The following DOCK4 variants were observed in gnomAD, a reference collection of about 807,000 sequenced individuals.
DOCK4 encodes dedicator of cytokinesis 4.
In DOCK4, 97 loss-of-function variants were observed where a neutral mutation model predicts 268.1. The ratio of observed to expected loss-of-function variants is 0.36; its 90% confidence interval spans 0.31 to 0.43. DOCK4 has a LOEUF of 0.43. Among genes scored for constraint, DOCK4 ranks in the 20% least tolerant of loss-of-function variants. The probability of loss-of-function intolerance (pLI) is 1.00; values close to 1 mark genes in which losing one functional copy is unlikely to be tolerated. For missense variants in DOCK4, 2,145 were observed against 2,455.7 expected (o/e 0.87, Z 2.67); for synonymous variants, 954 against 887.2 (o/e 1.08, Z -1.34).
chr7:111,728,381 G>C lies in DOCK4; in HGVS notation c.5821C>G (p.Pro1941Ala), dbSNP rs746730808. 1.9e-6 allele frequency: 3 copies of C among 1,543,570 alleles called. No individual in the cohort carries two copies. In the Admixed American group the frequency reaches 5.8e-5, roughly 30 times the overall value. The change falls in exon 53 of 53, where the codon CCC becomes GCC. Residue 1941 changes from proline to alanine, a missense_variant. Around this residue, in one of 2 missense-constraint regions of DOCK4, gnomAD observed 547 missense variants for 469.0 expected, o/e 1.17. Transcript: ENST00000428084. ...GATCGCGCTGCCAGAGGCTTGGGGGGCAGCGCGGGCGGCTCCGACGTGACG... is the reference window on the plus strand; with the variant it reads ...GATCGCGCTGCCAGAGGCTTGGGGGCCAGCGCGGGCGGCTCCGACGTGACG... ...IPVTSEPPAL[P>A]PKPLAARSSH...
At chr7:111,840,774 T>C (rs758571684) in intron 25 of DOCK4, 6 of 1,309,696 alleles carry the variant, frequency 4.6e-6, no homozygotes, top group East Asian at 9.9e-5. Context: ...GTGTGTCTAC[T>C]TGTCATGGGC....
chr7:111,861,321 T>C (rs986222944), intron 23 of DOCK4, among the ~76,000 whole-genome samples: 3 of 151,786 alleles, frequency 2.0e-5, no homozygotes, highest in African/African-American at 4.8e-5. Context: ...GAAAAAAAAA[T>C]AAGAAATATC....
At chr7:111,809,213 A>G in intron 29 of DOCK4, 88 bp downstream of exon 29, 1 of 1,083,222 alleles carries the variant, frequency 9.2e-7, no homozygotes, top group Non-Finnish European at 1.4e-6. Flanking sequence ...TGTGATTTCC[A>G]GTTATGCGCA....
chr7:111,749,604 C>A (rs1024372564), intron 42 of DOCK4, among the ~76,000 whole-genome samples: 3 of 150,854 alleles, frequency 2.0e-5, no homozygotes, highest in Non-Finnish European at 4.4e-5. Context: ...TAAACACAGG[C>A]AAAATACAAA....
rs776765151 is a variant in DOCK4 at position 111,895,645 on chromosome 7, A to G, written c.1554T>C (p.Leu518=). 6.2e-7 allele frequency: 1 copy of G among 1,613,944 alleles called. No individual in the cohort carries two copies. Among genetic ancestry groups the G allele is most frequent in the East Asian group, 2.2e-5 (1 of 44,864 alleles). Residue 518 remains leucine (L), a synonymous_variant, in exon 16 of 53, where the codon CTT becomes CTC. Coordinates refer to ENST00000428084, the MANE Select transcript of DOCK4 (RefSeq NM_001363540.2). ...CGATGAGCTCATGAGTGCCATCTGG[A>G]AGAGTCCTACCATCTTCTTGCATCA... ...VPLMQEDGRT[L]PDGTHELIVH...
intron 1 of DOCK4, among the ~76,000 whole-genome samples, chr7:112,191,238 C>G (rs1819926153): frequency 1.3e-5 from 2 of 152,190 alleles, no homozygotes; most frequent in South Asian, 4.1e-4. Flanking sequence ...CAAGTGTGAG[C>G]CATCACGCCA....
At chr7:112,124,823 T>C (rs536920795) in intron 1 of DOCK4, among the ~76,000 whole-genome samples, 40 of 152,356 alleles carry the variant, frequency 2.6e-4, no homozygotes, top group African/African-American at 9.4e-4. Context: ...CTGATACATT[T>C]CATATATAAT....
chr7:111,769,693 G>A lies in DOCK4; in HGVS notation c.3680-16C>T. 1.2e-6 allele frequency: 2 copies of A among 1,610,808 alleles called. No individual in the cohort carries two copies. The highest frequency in any genetic ancestry group is 1.7e-6 in the Non-Finnish European group (2 of 1,177,982). On this transcript the variant is annotated splice_polypyrimidine_tract_variant and intron_variant, in intron 36 of 52. Transcript: ENST00000428084. ...TATGCAGCTTCTGCAAGTCACGTGA[G>A]AAGACAATGATTGAGACAGGACCCC...
At chr7:112,065,949 T>C (rs1806887575) in intron 1 of DOCK4, among the ~76,000 whole-genome samples, 1 of 152,162 alleles carries the variant, frequency 6.6e-6, no homozygotes, top group Non-Finnish European at 1.5e-5. Context: ...TACCACATGA[T>C]ATCACATCAA....
chr7:111,950,462 G>T (rs1270798806), intron 8 of DOCK4, among the ~76,000 whole-genome samples: 1 of 152,198 alleles, frequency 6.6e-6, no homozygotes, highest in African/African-American at 2.4e-5. Flanking sequence ...TGGAAGAGAA[G>T]TTTATATGTT....
intron 1 of DOCK4, among the ~76,000 whole-genome samples, chr7:112,184,419 C>A (rs76010098): frequency 0.01 from 1,547 of 152,336 alleles, 30 homozygotes; most frequent in African/African-American, 0.035. Flanking sequence ...GAGCTGTAGT[C>A]TCCACCCCGG....
intron 52 of DOCK4, among the ~76,000 whole-genome samples, chr7:111,730,784 T>C (rs189910805): frequency 9.0e-4 from 137 of 152,300 alleles, no homozygotes; most frequent in Non-Finnish European, 1.0e-4. Flanking sequence ...AAACCCTACA[T>C]ATAAAGACAT....
At chr7:112,076,486 T>A (rs1424766627) in intron 1 of DOCK4, among the ~76,000 whole-genome samples, 4 of 152,100 alleles carry the variant, frequency 2.6e-5, no homozygotes, top group Admixed American at 6.6e-5. Context: ...AATTATTTCA[T>A]GATCAAAGAC....
chr7:112,197,970 GAAAAAA>G (rs10525534), intron 1 of DOCK4, among the ~76,000 whole-genome samples: 7 of 111,092 alleles, frequency 6.3e-5, no homozygotes, highest in African/African-American at 2.2e-4. Flanking sequence ...GACCTGCCTA[GAAAAAA>G]AAAAAAAAAA....
chr7:111,783,226 TAGA>T (rs1366866925), intron 34 of DOCK4, among the ~76,000 whole-genome samples: 1 of 152,124 alleles, frequency 6.6e-6, no homozygotes, highest in Admixed American at 6.6e-5. Flanking sequence ...CTCAGGAAGT[TAGA>T]GGAGTGAAAA....
intron 1 of DOCK4, among the ~76,000 whole-genome samples, chr7:112,189,175 G>A (rs1819708079): frequency 6.6e-6 from 1 of 152,174 alleles, no homozygotes; most frequent in African/African-American, 2.4e-5. Context: ...TGGTTATGCT[G>A]TGGAGTGAAA....
intron 13 of DOCK4, among the ~76,000 whole-genome samples, chr7:111,912,712 G>C (rs1792216290): frequency 6.6e-6 from 1 of 152,034 alleles, no homozygotes; most frequent in African/African-American, 2.4e-5. Context: ...AAGAGGTCCA[G>C]ACACACACAA....
At chr7:111,991,215 A>G (rs1036242132) in intron 5 of DOCK4, among the ~76,000 whole-genome samples, 1 of 152,216 alleles carries the variant, frequency 6.6e-6, no homozygotes, top group African/African-American at 2.4e-5. Context: ...TCCCTTATAA[A>G]GCTGAAAATC....
At chr7:111,928,564 A>C (rs1309031745) in intron 12 of DOCK4, among the ~76,000 whole-genome samples, 2 of 151,632 alleles carry the variant, frequency 1.3e-5, no homozygotes, top group Non-Finnish European at 2.9e-5. Context: ...ACTGCATGCA[A>C]AATAGCCTGG....
Sources: allele counts gnomAD v4.1 joint callset (sites outside exome capture counted in the v4.1 genomes callset), GRCh38; gene constraint gnomAD v4.1.1; regional missense constraint gnomAD v4.1.1; transcripts MANE v1.5; gene names NCBI Gene and HGNC (gene_info 2026-07-23, HGNC 2026-07-21).